Variants in SFI1 observed in about 807,000 individuals in gnomAD.
The protein encoded by SFI1 is protein SFI1 homolog.
A neutral mutation model predicts 207.5 loss-of-function variants in SFI1; 195 were observed. The observed-to-expected ratio is 0.94, with a 90% CI of 0.84 to 1.06. The LOEUF (loss-of-function observed/expected upper bound fraction) is 1.06, where lower values mean the gene tolerates loss of function less well. SFI1 is among the 50% of genes least tolerant of loss of function. SFI1 has a pLI of 0.00. For missense variants in SFI1, 1,634 were observed against 1,588.0 expected (o/e 1.03, Z -0.49); for synonymous variants, 630 against 598.9 (o/e 1.05, Z -0.76).
At chr22:31,521,076 A>G (rs2057186308) in intron 2 of SFI1, 1 of 152,218 alleles carries the variant, frequency 6.6e-6, no homozygotes. Context: ...TGTCTTTACT[A>G]AAAAAATTTT....
intron 6 of SFI1, 195 bp downstream of exon 6, chr22:31,550,543 C>T: frequency 1.9e-6 from 1 of 522,700 alleles, no homozygotes; most frequent in Non-Finnish European, 3.4e-6. Flanking sequence ...TGGTTTTCTC[C>T]ATATGGCATG....
intron 21 of SFI1, 22 bp from the exon 22 acceptor site, chr22:31,607,915 T>C: frequency 1.9e-6 from 3 of 1,610,944 alleles, no homozygotes; most frequent in Non-Finnish European, 1.7e-6. Flanking sequence ...TGACTCTTGC[T>C]GTGCTCCTTG....
chr22:31,602,188 T>G, intron 15 of SFI1, 24 bp from the exon 16 acceptor site: 1 of 1,589,270 alleles, frequency 6.3e-7, no homozygotes, highest in Non-Finnish European at 8.6e-7. Flanking sequence ...TTTTAAGTGC[T>G]TTACATTCTT....
At position 31,613,603 on chromosome 22, in the gene SFI1, C is replaced by CGGCT. The variant is rs1569465848; in HGVS notation, c.2745_2748dup (p.His917GlyfsTer41). ...AGCTGACCAGAGGCTGTGTTGTAGG[C>CGGCT]GGCTCACAGTCTCCATCGTGCCGTC... is the stretch of plus-strand genomic sequence containing the variant. On this transcript the variant is annotated frameshift_variant and splice_region_variant, in exon 27 of 33. Coordinates refer to ENST00000400288, the MANE Select transcript of SFI1 (RefSeq NM_001007467.3). LOFTEE classifies it high-confidence loss of function. The CGGCT allele has an allele frequency of 6.3e-7, 1 of 1,579,066 alleles. No homozygotes were observed. The highest frequency in any genetic ancestry group is 1.7e-5 in the Admixed American group (1 of 58,456).
chr22:31,546,793 A>C, intron 4 of SFI1, 68 bp from the exon 5 acceptor site: 1 of 1,098,058 alleles, frequency 9.1e-7, no homozygotes, highest in Non-Finnish European at 1.3e-6. Context: ...CGGCAAGAAT[A>C]TGTGATTTGG....
chr22:31,560,909 C>T (rs1172923201), intron 7 of SFI1, among the ~76,000 whole-genome samples: 3 of 151,972 alleles, frequency 2.0e-5, no homozygotes, highest in African/African-American at 7.3e-5. Context: ...ACTGTGTTGG[C>T]CAGGCTAGTC....
At chr22:31,578,536 T>G in intron 11 of SFI1, 84 bp downstream of exon 11, 3 of 1,252,116 alleles carry the variant, frequency 2.4e-6, no homozygotes, top group Non-Finnish European at 3.3e-6. Context: ...CCCTATCACC[T>G]TCATTAAATG....
rs751283596 is a variant in SFI1 at position 31,583,852 on chromosome 22, ATCT to A, written c.1249-17_1249-15del. On this transcript the variant is annotated intron_variant, in intron 12 of 32. Transcript: ENST00000400288. ...TTACCTTTCATCTCAGTACATTTCCATCTTCTTCCTCCCTTGCTTTAGCTGCTG... is the reference window on the plus strand; with the variant it reads ...TTACCTTTCATCTCAGTACATTTCCATCTTCCTCCCTTGCTTTAGCTGCTG... 2.5e-6 allele frequency: 4 copies of A among 1,603,880 alleles called. No individual in the cohort carries two copies. The highest frequency in any genetic ancestry group is 4.5e-5 in the East Asian group (2 of 44,816).
At chr22:31,589,341 AT>A (rs2065504313) in intron 14 of SFI1, 105 bp from the exon 15 acceptor site, 1 of 1,075,612 alleles carries the variant, frequency 9.3e-7, no homozygotes, top group Non-Finnish European at 1.3e-6. Context: ...TCTTTTTCTC[AT>A]TTTTATTATA....
intron 11 of SFI1, 102 bp downstream of exon 11, chr22:31,578,554 C>T (rs2063763386): frequency 9.4e-7 from 1 of 1,064,746 alleles, no homozygotes; most frequent in East Asian, 2.6e-5. Context: ...ATGCAGTCAG[C>T]TATGGGTGAG....
chr22:31,585,425 C>T (rs764305830), intron 14 of SFI1, among the ~76,000 whole-genome samples: 5 of 152,170 alleles, frequency 3.3e-5, no homozygotes, highest in Non-Finnish European at 5.9e-5. Flanking sequence ...CTGAGTTAGC[C>T]AGCCCTTCAC....
chr22:31,502,576 G>C (rs2053974029), intron 1 of SFI1, among the ~76,000 whole-genome samples: 1 of 151,952 alleles, frequency 6.6e-6, no homozygotes, highest in South Asian at 2.1e-4. Context: ...GTTTCACCAT[G>C]TTGTCCAGGC....
chr22:31,553,537 T>A (rs2060824636), intron 6 of SFI1, among the ~76,000 whole-genome samples: 1 of 147,068 alleles, frequency 6.8e-6, no homozygotes, highest in Non-Finnish European at 1.5e-5. Context: ...GTATTTTTTT[T>A]TTTTTTTTTT....
intron 2 of SFI1, among the ~76,000 whole-genome samples, chr22:31,511,764 T>C (rs150425552): frequency 6.0e-4 from 91 of 152,236 alleles, no homozygotes; most frequent in African/African-American, 2.1e-3. Context: ...GTGATTCTCC[T>C]GCCTTAATCT....
At position 31,613,421 on chromosome 22, in the gene SFI1, T is replaced by C. The variant is rs746451549; in HGVS notation, c.2633T>C (p.Leu878Pro). The C allele has an allele frequency of 3.1e-6, 5 of 1,610,144 alleles. No individual in the cohort carries two copies. The highest frequency in any genetic ancestry group is 4.2e-6 in the Non-Finnish European group (5 of 1,179,802). The part of the protein sequence containing the change: ...RRKKARLQWA[L>P]QAYQGQLLQE... ...AAGAAGGCGCGGCTGCAGTGGGCGC[T>C]CCAGGCCTACCAGGGGCAGCTCCTC... is the stretch of plus-strand genomic sequence containing the variant. The change falls in exon 26 of 33, where the codon CTC becomes CCC. Residue 878 changes from leucine to proline, a missense_variant. Leu to Pro is a moderately conservative substitution (Grantham distance 98). Coordinates refer to ENST00000400288, the MANE Select transcript of SFI1 (RefSeq NM_001007467.3).
chr22:31,602,225 A>G lies in SFI1; in HGVS notation c.1558A>G (p.Lys520Glu), dbSNP rs770076368. The part of the protein sequence containing the change: ...ATRFHRETLE[K>E]QVFSLWRQKM... ...CTTGTTTTTTAGGGAGACATTAGAG[A>G]AGCAAGTATTTTCTCTCTGGAGGCA... Residue 520 changes from lysine to glutamate, a missense_variant, in exon 16 of 33, where the codon AAG (lysine) becomes GAG (glutamate). Physicochemically the swap from Lys to Glu is moderately conservative, Grantham distance 56 (BLOSUM62 1). Transcript: ENST00000400288. 2 of 1,614,074 alleles carry G rather than the reference A, an allele frequency of 1.2e-6. No individual in the cohort carries two copies. The highest frequency in any genetic ancestry group is 1.7e-6 in the Non-Finnish European group (2 of 1,179,928).
At chr22:31,578,693 T>G (rs1275254530) in intron 11 of SFI1, among the ~76,000 whole-genome samples, 1 of 152,162 alleles carries the variant, frequency 6.6e-6, no homozygotes, top group African/African-American at 2.4e-5. Flanking sequence ...AGTCCTGAGC[T>G]TTTTTTACAT....
At chr22:31,522,486 TCTC>T (rs1355767434) in intron 2 of SFI1, among the ~76,000 whole-genome samples, 5 of 152,316 alleles carry the variant, frequency 3.3e-5, no homozygotes, top group African/African-American at 9.6e-5. Context: ...TTAAATGGTA[TCTC>T]CTCATTCCTC....
chr22:31,602,413 C>G, intron 16 of SFI1, 120 bp downstream of exon 16: 1 of 1,181,970 alleles, frequency 8.5e-7, no homozygotes, highest in Non-Finnish European at 1.2e-6. Flanking sequence ...CTGCCTGTGA[C>G]TGTTGAGGCA....
Sources: allele counts gnomAD v4.1 joint callset (sites outside exome capture counted in the v4.1 genomes callset), GRCh38; gene constraint gnomAD v4.1.1; transcripts MANE v1.5; gene names NCBI Gene and HGNC (gene_info 2026-07-23, HGNC 2026-07-21).